SDK2: variants seen among roughly 807,000 people sequenced by gnomAD.
The protein encoded by SDK2 is sidekick cell adhesion molecule 2, also known as protein sidekick-2.
Under a neutral mutation model 253.9 loss-of-function variants are expected in SDK2, and 105 were observed. The observed-to-expected ratio is 0.41, with a 90% CI of 0.35 to 0.49. The LOEUF is 0.49. Ranked by LOEUF, SDK2 falls within the 20% of genes least tolerant of loss-of-function variation. The pLI, the probability that SDK2 is intolerant of heterozygous loss-of-function variation, is 0.06. For synonymous variants in SDK2, 1,249 were observed against 1,234.9 expected, an observed-to-expected ratio of 1.01 and a Z score of -0.24; for missense variants, 2,608 against 3,003.0, an observed-to-expected ratio of 0.87 and a Z score of 3.07.
At chr17:73,572,539 C>A (rs1409886101) in intron 1 of SDK2, among the ~76,000 whole-genome samples, 1 of 151,694 alleles carries the variant, frequency 6.6e-6, no homozygotes, top group Non-Finnish European at 1.5e-5. Context: ...CATACCCCTA[C>A]ATTTTCCAGT....
intron 2 of SDK2, among the ~76,000 whole-genome samples, chr17:73,497,263 C>T (rs1256932448): frequency 1.3e-5 from 2 of 152,178 alleles, no homozygotes; most frequent in Admixed American, 1.3e-4. Context: ...CAAGAACACA[C>T]CCTCTTTCCT....
At position 73,338,626 on chromosome 17, in the gene SDK2, G is replaced by C; in HGVS notation, c.6480C>G (p.Gly2160=). ...LYRPPSSLAP[G]SRAPIAGFSS... ...AAAATCCTGCTATGGGAGCCCGGGA[G>C]CCTGGGGCCAGGCTGCTGGGGGGAC... is the stretch of plus-strand genomic sequence containing the variant. The change falls in exon 45 of 45, where the codon GGC becomes GGG. Residue 2160 remains glycine (G), a synonymous_variant. Transcript: ENST00000392650. The surrounding 1 kb of genome is among the most constrained non-coding windows in gnomAD (Gnocchi z 5.0). 1 of 1,531,986 alleles carries C rather than the reference G, an allele frequency of 6.5e-7. No homozygotes were observed. Among genetic ancestry groups the C allele is most frequent in the Non-Finnish European group, 8.7e-7 (1 of 1,144,698 alleles). 94.9% of individuals were successfully genotyped at this position (1,531,986 alleles called of 1,614,324 possible).
At chr17:73,372,035 T>C (rs1412094711) in intron 36 of SDK2, among the ~76,000 whole-genome samples, 1 of 150,744 alleles carries the variant, frequency 6.6e-6, no homozygotes, top group East Asian at 1.9e-4. Context: ...GCCCTGCCCG[T>C]GGGAGCTATC....
intron 44 of SDK2, among the ~76,000 whole-genome samples, chr17:73,341,236 T>G (rs931078351): frequency 6.6e-6 from 1 of 150,714 alleles, no homozygotes; most frequent in African/African-American, 2.4e-5. Flanking sequence ...CTGACTTTTT[T>G]TTTTTTTTTT....
chr17:73,481,974 C>T lies in SDK2; in HGVS notation c.225-9756G>A, dbSNP rs550277875. ...TGCACAACCCCGACTAATACACCGA[C>T]CGTAGAATATGGGAGATAGGCCGGG... On this transcript the variant is annotated intron_variant, in intron 2 of 44. Coordinates refer to ENST00000392650, the MANE Select transcript of SDK2 (RefSeq NM_001144952.2). This position sits in a 1 kb window ranked among gnomAD's most constrained non-coding sequence, Gnocchi z 4.5. Among the ~76,000 whole-genome samples the T allele has an allele frequency of 1.3e-5, 2 of 152,246 alleles. No homozygotes were observed. The highest frequency in any genetic ancestry group is 4.8e-5 in the African/African-American group (2 of 41,548).
At chr17:73,503,204 T>C (rs2063903805) in intron 2 of SDK2, among the ~76,000 whole-genome samples, 1 of 152,204 alleles carries the variant, frequency 6.6e-6, no homozygotes, top group Non-Finnish European at 1.5e-5. Context: ...GGTCCGGCGT[T>C]GAAGAAGAAC....
Position 73,565,156 on chromosome 17 carries a change from G to C in SDK2, c.65-57559C>G, listed in dbSNP as rs185166156. ...TAAACAACTAGAGGACAGAGTTTGCGGCAACCGCAGCAGTTGGAAGTTGAG... is the reference window on the plus strand; with the variant it reads ...TAAACAACTAGAGGACAGAGTTTGCCGCAACCGCAGCAGTTGGAAGTTGAG... On this transcript the variant is annotated intron_variant, in intron 1 of 44. Transcript: ENST00000392650. Among the ~76,000 whole-genome samples, 6 of 152,278 alleles carry C rather than the reference G, an allele frequency of 3.9e-5. 1 individual carries two copies. Among genetic ancestry groups the C allele is most frequent in the African/African-American group, 1.4e-4 (6 of 41,558 alleles).
chr17:73,422,574 C>T (rs1221578167), intron 14 of SDK2, 140 bp from the exon 15 acceptor site: 2 of 944,614 alleles, frequency 2.1e-6, no homozygotes, highest in African/African-American at 3.3e-5. Flanking sequence ...GAGTGGCCCG[C>T]CATGCCATTT....
intron 2 of SDK2, among the ~76,000 whole-genome samples, chr17:73,479,842 C>T (rs963252174): frequency 6.6e-6 from 1 of 152,174 alleles, no homozygotes; most frequent in Non-Finnish European, 1.5e-5. Context: ...GGGCACCTGC[C>T]CCCATGCCCG....
chr17:73,517,743 A>G (rs957929791), intron 1 of SDK2: 5 of 152,294 alleles, frequency 3.3e-5, no homozygotes, highest in African/African-American at 1.2e-4. Context: ...AGAAGGCAGC[A>G]TGGCAGAGAA....
chr17:73,355,174 A>ATATTTTTTT lies in SDK2; in HGVS notation c.5594-2538_5594-2537insAAAAAAATA. ...CCTACACCTCCATATATATATATAT[A>ATATTTTTTT]TTTTTTTTTTTTTTTTTTTTTAGAC... On this transcript the variant is annotated intron_variant, in intron 40 of 44. Coordinates refer to ENST00000392650, the MANE Select transcript of SDK2 (RefSeq NM_001144952.2). Among the ~76,000 whole-genome samples, 17 of 47,240 alleles carry ATATTTTTTT rather than the reference A, an allele frequency of 3.6e-4. 3 individuals are homozygous for ATATTTTTTT. Among genetic ancestry groups the ATATTTTTTT allele is most frequent in the African/African-American group, 1.6e-3 (10 of 6,144 alleles). 31.0% of individuals were successfully genotyped at this position (47,240 alleles called of 152,430 possible).
chr17:73,631,036 C>G (rs2046262943), intron 1 of SDK2, among the ~76,000 whole-genome samples: 1 of 152,170 alleles, frequency 6.6e-6, no homozygotes, highest in African/African-American at 2.4e-5. Context: ...GGGCAGTGGA[C>G]AGAGCTCTCC....
rs550486872 is a variant in SDK2 at position 73,350,905 on chromosome 17, C to A, written c.5759-115G>T. The stretch of plus-strand genomic sequence containing the variant: ...AATCTATGGGAAGGCAGGGTCTGTA[C>A]CCTCCGAATGAGGCAGAACCTCTGT... On this transcript the variant is annotated intron_variant, in intron 41 of 44. Coordinates refer to ENST00000392650, the MANE Select transcript of SDK2 (RefSeq NM_001144952.2). 4 of 1,115,894 alleles carry A rather than the reference C, an allele frequency of 3.6e-6. No homozygotes were observed. In the South Asian group the frequency reaches 4.8e-5, roughly 13 times the overall value. 69.1% of individuals were successfully genotyped at this position (1,115,894 alleles called of 1,614,324 possible). A position where few individuals can be genotyped will look rare whatever the true frequency, so the allele number is the denominator to read the frequency against.
intron 2 of SDK2, among the ~76,000 whole-genome samples, chr17:73,499,859 CTGTGTGTG>C (rs59872387): frequency 0.11 from 16,404 of 145,436 alleles, 884 homozygotes; most frequent in Middle Eastern, 0.16. Flanking sequence ...GCATGGGAAT[CTGTGTGTG>C]TGTGTGTGTG....
Position 73,379,425 on chromosome 17 carries a change from C to G in SDK2, c.4864+23G>C. On this transcript the variant is annotated intron_variant, in intron 35 of 44. Coordinates refer to ENST00000392650, the MANE Select transcript of SDK2 (RefSeq NM_001144952.2). The surrounding 1 kb of genome is among the most constrained non-coding windows in gnomAD (Gnocchi z 4.5). Reference sequence around the variant, plus strand: ...GGGGCTGGGAAAGGCATGCTGGGGCCGGACAGGGCGGGCGCTGCTCACCTG... The same window carrying G: ...GGGGCTGGGAAAGGCATGCTGGGGCGGGACAGGGCGGGCGCTGCTCACCTG... 6.4e-7 allele frequency: 1 copy of G among 1,569,384 alleles called. No individual in the cohort carries two copies.
intron 21 of SDK2, among the ~76,000 whole-genome samples, chr17:73,399,500 G>A (rs964633549): frequency 2.6e-5 from 4 of 152,160 alleles, no homozygotes; most frequent in Admixed American, 6.5e-5. Context: ...ACAGAGTTGG[G>A]GGTCAAAGGG....
At chr17:73,491,535 G>A (rs2063806595) in intron 2 of SDK2, among the ~76,000 whole-genome samples, 1 of 152,152 alleles carries the variant, frequency 6.6e-6, no homozygotes, top group African/African-American at 2.4e-5. Context: ...ACTATGCCCA[G>A]CTAACATTTT....
chr17:73,636,450 G>A (rs2046330401), intron 1 of SDK2, among the ~76,000 whole-genome samples: 1 of 152,124 alleles, frequency 6.6e-6, no homozygotes, highest in Admixed American at 6.5e-5. Flanking sequence ...CACTTTGGGA[G>A]ACCGAGGTGG....
rs75121086 is a variant in SDK2, at chr17:73,365,828, A to G, written c.5168-433T>C. On this transcript the variant is annotated intron_variant, in intron 37 of 44. Coordinates refer to ENST00000392650, the MANE Select transcript of SDK2 (RefSeq NM_001144952.2). ...TCAGAATATTCGGTAGGCGCTAAACAAAGAAGACACCAGAACCACAGCAGA... is the reference window on the plus strand; with the variant it reads ...TCAGAATATTCGGTAGGCGCTAAACGAAGAAGACACCAGAACCACAGCAGA... Among the ~76,000 whole-genome samples, 84 of 152,194 alleles carry G rather than the reference A, an allele frequency of 5.5e-4. No individual in the cohort carries two copies. The East Asian group carries it at 0.014, about 25-fold the overall frequency.
Sources: gnomAD v4.1 joint callset for allele counts (sites outside exome capture counted in the v4.1 genomes callset) on GRCh38, gnomAD v4.1.1 for gene constraint, Gnocchi (gnomAD v3.1) non-coding constraint, MANE v1.5 for transcripts, NCBI Gene and HGNC (gene_info 2026-07-23, HGNC 2026-07-21) for gene names.